The following TMEM132D variants were observed in gnomAD, a reference collection of about 807,000 sequenced individuals.
TMEM132D encodes transmembrane protein 132D.
TMEM132D carries 21 observed loss-of-function variants against 62.3 expected under a neutral mutation model. The observed-to-expected ratio is 0.34, with a 90% CI of 0.24 to 0.49. TMEM132D has a LOEUF of 0.49. TMEM132D is among the 20% of genes least tolerant of loss of function. The probability of loss-of-function intolerance (pLI) is 0.99; values close to 1 mark genes in which losing one functional copy is unlikely to be tolerated. For synonymous variants in TMEM132D, 621 were observed against 575.6 expected, an observed-to-expected ratio of 1.08 and a Z score of -1.13; for missense variants, 1,346 against 1,402.8, an observed-to-expected ratio of 0.96 and a Z score of 0.65.
chr12:129,087,551 G>A (rs1012650417), intron 5 of TMEM132D, among the ~76,000 whole-genome samples: 6 of 151,742 alleles, frequency 4.0e-5, no homozygotes, highest in Non-Finnish European at 8.8e-5. Context: ...AAGGTCCTGT[G>A]ACCACAGAAA....
chr12:129,098,448 C>T (rs1034587900), intron 5 of TMEM132D, among the ~76,000 whole-genome samples: 3 of 152,196 alleles, frequency 2.0e-5, no homozygotes, highest in East Asian at 3.8e-4. Context: ...CAAATGTCCT[C>T]GTGCCTACCT....
chr12:129,110,970 G>C (rs1875679966), intron 5 of TMEM132D: 1 of 152,460 alleles, frequency 6.6e-6, no homozygotes, highest in Non-Finnish European at 1.5e-5. Flanking sequence ...AGCTGATGGG[G>C]ATTCTTCTCT....
intron 3 of TMEM132D, among the ~76,000 whole-genome samples, chr12:129,518,979 A>G (rs1875765557): frequency 6.6e-6 from 1 of 152,190 alleles, no homozygotes; most frequent in South Asian, 2.1e-4. Flanking sequence ...GAAGCTTTCC[A>G]TTGGTTACAA....
At chr12:129,870,221 G>T (rs541812221) in intron 1 of TMEM132D, among the ~76,000 whole-genome samples, 13 of 152,226 alleles carry the variant, frequency 8.5e-5, no homozygotes, top group Admixed American at 2.0e-4. Context: ...GGGCTCAAGA[G>T]ATCCACCCAC....
intron 4 of TMEM132D, among the ~76,000 whole-genome samples, chr12:129,224,719 A>C (rs1879434478): frequency 6.6e-6 from 1 of 152,230 alleles, no homozygotes; most frequent in African/African-American, 2.4e-5. Context: ...CAGACTGGCC[A>C]ACATGGCAAA....
chr12:129,642,167 A>G (rs1879656168), intron 2 of TMEM132D, among the ~76,000 whole-genome samples: 1 of 152,198 alleles, frequency 6.6e-6, no homozygotes, highest in Non-Finnish European at 1.5e-5. Flanking sequence ...GAGAGGGAAG[A>G]CAGGAGAGAT....
intron 1 of TMEM132D, among the ~76,000 whole-genome samples, chr12:129,861,566 G>A (rs1489082532): frequency 6.6e-6 from 1 of 152,114 alleles, no homozygotes; most frequent in East Asian, 1.9e-4. Flanking sequence ...TTCGAGACCA[G>A]CCTGGCCAAC....
chr12:129,208,591 TG>T (rs2135565734), intron 5 of TMEM132D: 1 of 152,236 alleles, frequency 6.6e-6, no homozygotes, highest in East Asian at 1.9e-4. Context: ...CAGAGCAGAG[TG>T]GTTACACCAA....
At chr12:129,181,647 A>G (rs1316299431) in intron 5 of TMEM132D, among the ~76,000 whole-genome samples, 2 of 152,100 alleles carry the variant, frequency 1.3e-5, no homozygotes, top group African/African-American at 4.8e-5. Flanking sequence ...CTCGAGACAA[A>G]CCTGACAGGC....
At chr12:129,423,501 G>C (rs927375072) in intron 3 of TMEM132D, among the ~76,000 whole-genome samples, 6 of 152,128 alleles carry the variant, frequency 3.9e-5, no homozygotes, top group African/African-American at 7.2e-5. Flanking sequence ...GATTTGTAGG[G>C]GATGTAGGGG....
intron 4 of TMEM132D, among the ~76,000 whole-genome samples, chr12:129,238,614 A>G (rs1334942922): frequency 6.6e-6 from 1 of 152,242 alleles, no homozygotes; most frequent in Non-Finnish European, 1.5e-5. Context: ...TTCACTTAGA[A>G]AAATGTCCTC....
chr12:129,638,593 T>TTATATATAAATATATA (rs1565932029), intron 2 of TMEM132D, among the ~76,000 whole-genome samples: 2 of 3,714 alleles, frequency 5.4e-4, no homozygotes, highest in Non-Finnish European at 6.1e-4. Context: ...TAAATATATA[T>TTATATATAAATATATA]TTTTATATAT....
At chr12:129,793,782 C>T (rs1871471679) in intron 1 of TMEM132D, among the ~76,000 whole-genome samples, 1 of 152,214 alleles carries the variant, frequency 6.6e-6, no homozygotes, top group African/African-American at 2.4e-5. Flanking sequence ...TCACCCTTCT[C>T]CAAAACATGC....
chr12:129,437,723 C>T (rs12822700), intron 3 of TMEM132D, among the ~76,000 whole-genome samples: 22,304 of 147,292 alleles, frequency 0.15, 1,808 homozygotes, highest in South Asian at 0.28. Context: ...GAGCTGAATG[C>T]TCATTTCTTT....
chr12:129,199,029 C>T (rs1339394629), intron 5 of TMEM132D, among the ~76,000 whole-genome samples: 3 of 151,236 alleles, frequency 2.0e-5, no homozygotes, highest in Non-Finnish European at 4.4e-5. Context: ...CGCTTACCTG[C>T]TATGAAGTAA....
In TMEM132D at chr12:129,779,694, A is replaced by C. The variant is rs1871060519; in HGVS notation, c.80-78996T>G. Among the ~76,000 whole-genome samples, 2 of 152,138 alleles carry C rather than the reference A, an allele frequency of 1.3e-5. No homozygotes were observed. Among genetic ancestry groups the C allele is most frequent in the African/African-American group, 4.8e-5 (2 of 41,544 alleles). Reference sequence around the variant, plus strand: ...GAAGGCCCCTCCACAGTCAGGCCCCACCCATTTTTAGACACAGCTCTTGTT... The same window carrying C: ...GAAGGCCCCTCCACAGTCAGGCCCCCCCCATTTTTAGACACAGCTCTTGTT... On this transcript the variant is annotated intron_variant, in intron 1 of 8. Transcript: ENST00000422113. This position sits in a 1 kb window ranked among gnomAD's most constrained non-coding sequence, Gnocchi z 4.1.
chr12:129,299,612 C>T (rs148446383), intron 4 of TMEM132D, among the ~76,000 whole-genome samples: 2 of 144,272 alleles, frequency 1.4e-5, no homozygotes, highest in East Asian at 4.3e-4. Context: ...TCAAACTGGA[C>T]ACATTGAACA....
In TMEM132D at chr12:129,238,996, G is replaced by GGTTTTTTTTTTTTTTTTTTT. The variant is rs374959544; in HGVS notation, c.1300-29334_1300-29333insAAAAAAAAAAAAAAAAAAAC. Among the ~76,000 whole-genome samples the GGTTTTTTTTTTTTTTTTTTT allele has an allele frequency of 5.3e-5, 7 of 133,046 alleles. 2 individuals are homozygous for GGTTTTTTTTTTTTTTTTTTT. The highest frequency in any genetic ancestry group is 6.4e-5 in the Non-Finnish European group (4 of 62,306). 87.3% of individuals were successfully genotyped at this position (133,046 alleles called of 152,430 possible). A position where few individuals can be genotyped will look rare whatever the true frequency, so the allele number is the denominator to read the frequency against. ...TCCTCATCAACATTTGTTATTTTCTGTTTTTTTTTTTTTTTTGGACAGTAA... is the reference window on the plus strand; with the variant it reads ...TCCTCATCAACATTTGTTATTTTCTGGTTTTTTTTTTTTTTTTTTTTTTTTTTTTTTTTTTTGGACAGTAA... On this transcript the variant is annotated intron_variant, in intron 4 of 8. Transcript: ENST00000422113.
In TMEM132D at chr12:129,445,800, C is replaced by T. The variant is rs1378116597; in HGVS notation, c.1115+85259G>A. Among the ~76,000 whole-genome samples the T allele has an allele frequency of 3.3e-5, 5 of 152,094 alleles. No homozygotes were observed. In the East Asian group the frequency reaches 9.7e-4, roughly 29 times the overall value. On this transcript the variant is annotated intron_variant, in intron 3 of 8. Coordinates refer to ENST00000422113, the MANE Select transcript of TMEM132D (RefSeq NM_133448.3). Reference sequence around the variant, plus strand: ...ATTTGTATTCTTACTTGTTGCAGGTCAGGTTCCCAAGTAGCAGACGCTGAG... The same window carrying T: ...ATTTGTATTCTTACTTGTTGCAGGTTAGGTTCCCAAGTAGCAGACGCTGAG...
Sources: gnomAD v4.1 joint callset for allele counts (sites outside exome capture counted in the v4.1 genomes callset) on GRCh38, gnomAD v4.1.1 for gene constraint, Gnocchi (gnomAD v3.1) non-coding constraint, MANE v1.5 for transcripts, NCBI Gene and HGNC (gene_info 2026-07-23, HGNC 2026-07-21) for gene names.